The following CACNA1E variants were observed in gnomAD, a reference collection of about 807,000 sequenced individuals.
CACNA1E encodes voltage-dependent R-type calcium channel subunit alpha-1E.
In CACNA1E, 40 loss-of-function variants were observed where a neutral mutation model predicts 259.2. That is an observed-to-expected ratio of 0.15 (90% CI 0.12 to 0.20). The LOEUF (loss-of-function observed/expected upper bound fraction) is 0.20. Among genes scored for constraint, CACNA1E ranks in the 10% least tolerant of loss-of-function variants. The pLI, the probability that CACNA1E is intolerant of heterozygous loss-of-function variation, is 1.00. For missense variants in CACNA1E, 1,874 were observed against 3,040.1 expected, an observed-to-expected ratio of 0.62 and a Z score of 9.02; for synonymous variants, 1,104 against 1,138.5, an observed-to-expected ratio of 0.97 and a Z score of 0.61.
chr1:181,774,237 A>C (rs527552551), intron 37 of CACNA1E, among the ~76,000 whole-genome samples: 34 of 152,390 alleles, frequency 2.2e-4, no homozygotes, highest in African/African-American at 8.2e-4. Flanking sequence ...GTTTTCATTG[A>C]CATTAATAAT....
chr1:181,748,595 A>G (rs1657320485), intron 25 of CACNA1E, among the ~76,000 whole-genome samples: 1 of 152,180 alleles, frequency 6.6e-6, no homozygotes, highest in Admixed American at 6.5e-5. Flanking sequence ...CTGCCCATAT[A>G]TTGATCTCCC....
Position 181,796,869 on chromosome 1 carries a change from A to T in CACNA1E, c.6399+11A>T. 6.4e-7 allele frequency: 1 copy of T among 1,568,196 alleles called. No homozygotes were observed. The highest frequency in any genetic ancestry group is 1.2e-5 in the South Asian group (1 of 85,486). On this transcript the variant is annotated intron_variant, in intron 47 of 47. Transcript: ENST00000367573. ...ACGCCCAACAGACAGGTGAGCGCAG[A>T]GAGGAAGCCAGTCTACAGCAGAAGG...
At chr1:181,508,455 C>T (rs1019031532) in intron 1 of CACNA1E, among the ~76,000 whole-genome samples, 1 of 152,228 alleles carries the variant, frequency 6.6e-6, no homozygotes, top group Non-Finnish European at 1.5e-5. Context: ...CCTTGGCCAC[C>T]ATTGCTGCTG....
At chr1:181,515,049 C>T (rs542400876) in intron 3 of CACNA1E, among the ~76,000 whole-genome samples, 2 of 152,272 alleles carry the variant, frequency 1.3e-5, no homozygotes, top group African/African-American at 2.4e-5. Context: ...CTCCTGGCTC[C>T]AAGTTCCTTC....
intron 2 of CACNA1E, among the ~76,000 whole-genome samples, chr1:181,435,814 G>C (rs143089820): frequency 6.6e-6 from 1 of 152,116 alleles, no homozygotes; most frequent in Non-Finnish European, 1.5e-5. Flanking sequence ...TGGAGTTGAG[G>C]TATATTAAGT....
At chr1:181,524,478 G>A (rs1572099330) in intron 3 of CACNA1E, among the ~76,000 whole-genome samples, 1 of 152,256 alleles carries the variant, frequency 6.6e-6, no homozygotes, top group South Asian at 2.1e-4. Context: ...ATTAAGCAGG[G>A]CTAGATGCTC....
intron 6 of CACNA1E, among the ~76,000 whole-genome samples, chr1:181,619,837 T>C (rs992433241): frequency 1.3e-5 from 2 of 152,048 alleles, no homozygotes; most frequent in Admixed American, 6.6e-5. Context: ...GATGGCATTG[T>C]AATTAACTAA....
In CACNA1E at chr1:181,762,674, A is replaced by C; in HGVS notation, c.4689+17A>C. 6.7e-7 allele frequency: 1 copy of C among 1,483,388 alleles called. No individual in the cohort carries two copies. The highest frequency in any genetic ancestry group is 9.4e-7 in the Non-Finnish European group (1 of 1,064,488). The allele number at this position is 1,483,388 out of a possible 1,614,324, so 91.9% of individuals were successfully genotyped here. On this transcript the variant is annotated intron_variant, in intron 33 of 47. Coordinates refer to ENST00000367573, the MANE Select transcript of CACNA1E (RefSeq NM_001205293.3). ...GACAGCAAGGTGAATGGCTTATAAG[A>C]TCCATGTCTGTAAGCTTGGCCCTGG... is the stretch of plus-strand genomic sequence containing the variant.
intron 2 of CACNA1E, among the ~76,000 whole-genome samples, chr1:181,433,367 C>T (rs1558001245): frequency 6.6e-6 from 1 of 152,198 alleles, no homozygotes; most frequent in Non-Finnish European, 1.5e-5. Flanking sequence ...CCCAGCTTGC[C>T]TTATCTCTGC....
chr1:181,620,195 G>A (rs1183301580), intron 6 of CACNA1E, among the ~76,000 whole-genome samples: 2 of 152,168 alleles, frequency 1.3e-5, no homozygotes, highest in African/African-American at 4.8e-5. Flanking sequence ...TGTAGAGCAA[G>A]TATGTGTTAA....
At chr1:181,533,780 G>A (rs748281817) in intron 3 of CACNA1E, among the ~76,000 whole-genome samples, 30 of 151,736 alleles carry the variant, frequency 2.0e-4, no homozygotes, top group Admixed American at 9.2e-4. Flanking sequence ...TATGACTTGC[G>A]CATCTTTGTT....
intron 7 of CACNA1E, among the ~76,000 whole-genome samples, chr1:181,668,585 G>A (rs1361645368): frequency 6.6e-6 from 1 of 152,138 alleles, no homozygotes; most frequent in Non-Finnish European, 1.5e-5. Context: ...CTTCCAGAGT[G>A]GCTGTTCCAT....
At chr1:181,559,998 A>G (rs1357720358) in intron 3 of CACNA1E, among the ~76,000 whole-genome samples, 10 of 152,238 alleles carry the variant, frequency 6.6e-5, no homozygotes. Context: ...ATTGTTTAAA[A>G]TAAGGATCTC....
chr1:181,632,525 G>A (rs766381619), intron 6 of CACNA1E, among the ~76,000 whole-genome samples: 1 of 152,132 alleles, frequency 6.6e-6, no homozygotes, highest in Non-Finnish European at 1.5e-5. Context: ...ACAGATGTGG[G>A]CTTTGTTACA....
At chr1:181,483,332 A>G (rs561899695), upstream of CACNA1E, 3 of 157,864 alleles carry the variant, frequency 1.9e-5, no homozygotes, top group African/African-American at 7.2e-5. Flanking sequence ...CTCTCCCTGA[A>G]CTAGGTGGTG....
intron 6 of CACNA1E, among the ~76,000 whole-genome samples, chr1:181,644,470 G>A (rs1417631715): frequency 6.6e-6 from 1 of 152,208 alleles, no homozygotes; most frequent in East Asian, 1.9e-4. Context: ...GCCCAGTGAT[G>A]TGTGGGGTAT....
At chr1:181,710,024 A>G (rs762873730) in intron 7 of CACNA1E, among the ~76,000 whole-genome samples, 13 of 152,154 alleles carry the variant, frequency 8.5e-5, no homozygotes, top group Non-Finnish European at 1.6e-4. Flanking sequence ...CCTCTTCTCT[A>G]TCAGGGAGCC....
chr1:181,385,808 G>A (rs371111173), intron 1 of CACNA1E, among the ~76,000 whole-genome samples: 10 of 114,530 alleles, frequency 8.7e-5, no homozygotes, highest in African/African-American at 2.3e-4. Context: ...CCCTCCCTCC[G>A]TTTCTCCATT....
intron 3 of CACNA1E, among the ~76,000 whole-genome samples, chr1:181,513,470 T>C (rs914670203): frequency 1.3e-5 from 2 of 152,260 alleles, no homozygotes; most frequent in Non-Finnish European, 2.9e-5. Flanking sequence ...TTTCTGTTTT[T>C]TGGCTCTGAT....
Sources: gnomAD v4.1 joint callset for allele counts (sites outside exome capture counted in the v4.1 genomes callset) on GRCh38, gnomAD v4.1.1 for gene constraint, MANE v1.5 for transcripts, NCBI Gene and HGNC (gene_info 2026-07-23, HGNC 2026-07-21) for gene names.